The following ZSWIM2 variants were observed in gnomAD, a reference collection of about 807,000 sequenced individuals.
The protein encoded by ZSWIM2 is zinc finger SWIM-type containing 2.
Under a neutral mutation model 48.4 loss-of-function variants are expected in ZSWIM2, and 38 were observed. The ratio of observed to expected loss-of-function variants is 0.79; its 90% CI spans 0.61 to 1.03. ZSWIM2 has a LOEUF of 1.03. Among genes scored for constraint, ZSWIM2 ranks in the 50% least tolerant of loss-of-function variants. ZSWIM2 has a pLI of 0.00. For missense variants in ZSWIM2, 776 were observed against 730.2 expected, an observed-to-expected ratio of 1.06 and a Z score of -0.72; for synonymous variants, 240 against 251.3, an observed-to-expected ratio of 0.96 and a Z score of 0.42.
intron 2 of ZSWIM2, 107 bp downstream of exon 2, chr2:186,847,612 C>T (rs1179583703): frequency 1.5e-6 from 1 of 673,946 alleles, no homozygotes; most frequent in Middle Eastern, 2.7e-4. Flanking sequence ...ATTCCCCAAA[C>T]ACCAAATTTC....
chr2:186,837,404 G>C lies in ZSWIM2; in HGVS notation c.645C>G (p.Ser215Arg), dbSNP rs772035726. The change falls in exon 5 of 9, where the codon AGC becomes AGG. Residue 215 changes from serine to arginine, a missense_variant. Coordinates refer to ENST00000295131, the MANE Select transcript of ZSWIM2 (RefSeq NM_182521.3). Reference sequence around the variant, plus strand: ...CTTTTTCTGCTGCAGCTACTAGTTTGCTAGAGTTTTTGAATTCCTCCAAAA... The same window carrying C: ...CTTTTTCTGCTGCAGCTACTAGTTTCCTAGAGTTTTTGAATTCCTCCAAAA... ...KLILEEFKNS[S>R]KLVAAAEKER... 3 of 1,612,944 alleles carry C rather than the reference G, an allele frequency of 1.9e-6. No individual in the cohort carries two copies. The highest frequency in any genetic ancestry group is 1.7e-6 in the Non-Finnish European group (2 of 1,179,316).
At position 186,827,883 on chromosome 2, in the gene ZSWIM2, G is replaced by T. The variant is rs1691623886; in HGVS notation, c.*101C>A. The T allele has an allele frequency of 9.5e-7, 1 of 1,053,214 alleles. No individual in the cohort carries two copies. Among genetic ancestry groups the T allele is most frequent in the East Asian group, 2.6e-5 (1 of 37,878 alleles). 65.2% of individuals were successfully genotyped at this position (1,053,214 alleles called of 1,614,324 possible). A position where few individuals can be genotyped will look rare whatever the true frequency, so the allele number is the denominator to read the frequency against. On this transcript the variant is annotated 3_prime_UTR_variant, in exon 9 of 9. Coordinates refer to ENST00000295131, the MANE Select transcript of ZSWIM2 (RefSeq NM_182521.3). ...AGGTAAGTAGGCAAATTCCAACAGAGAATTTTATATACATTTGTCAAGACT... is the reference window on the plus strand; with the variant it reads ...AGGTAAGTAGGCAAATTCCAACAGATAATTTTATATACATTTGTCAAGACT...
chr2:186,840,403 G>A (rs991290077), intron 3 of ZSWIM2, among the ~76,000 whole-genome samples: 1 of 151,498 alleles, frequency 6.6e-6, no homozygotes, highest in Admixed American at 6.6e-5. Flanking sequence ...AAATGAATTC[G>A]GAAAAATTAA....
chr2:186,844,688 A>C (rs533612474), intron 3 of ZSWIM2, 29 bp downstream of exon 3: 29 of 1,536,594 alleles, frequency 1.9e-5, no homozygotes, highest in South Asian at 5.1e-5. Flanking sequence ...TAAAAAAAAA[A>C]CACAAAAAAC....
chr2:186,845,880 C>T (rs1691989147), intron 2 of ZSWIM2, among the ~76,000 whole-genome samples: 1 of 151,458 alleles, frequency 6.6e-6, no homozygotes, highest in African/African-American at 2.4e-5. Context: ...AAATTATACA[C>T]TGGGGAAATA....
chr2:186,833,350 AT>A (rs1362376385), intron 6 of ZSWIM2, 118 bp from the exon 7 acceptor site: 2 of 498,836 alleles, frequency 4.0e-6, no homozygotes, highest in Non-Finnish European at 7.0e-6. Flanking sequence ...TTAAGCATAT[AT>A]ATTATTTTTC....
At chr2:186,838,180 GA>G (rs1356611546) in intron 4 of ZSWIM2, among the ~76,000 whole-genome samples, 1 of 150,384 alleles carries the variant, frequency 6.6e-6, no homozygotes, top group East Asian at 2.0e-4. Context: ...GTGCTGTGAA[GA>G]AAAGTATGAA....
chr2:186,848,888 C>T (rs753381610), intron 1 of ZSWIM2, 78 bp downstream of exon 1: 54 of 1,565,326 alleles, frequency 3.4e-5, no homozygotes, highest in African/African-American at 2.7e-4. Flanking sequence ...ATGGTGGCTA[C>T]GCACATTGGG....
In ZSWIM2 at chr2:186,828,052, G is replaced by A. The variant is rs749323863; in HGVS notation, c.1834C>T (p.Pro612Ser). The change falls in exon 9 of 9, where the codon CCT (proline) becomes TCT (serine). Residue 612 changes from proline (P) to serine (S), a missense_variant. Pro to Ser is a moderately conservative substitution (Grantham distance 74). Coordinates refer to ENST00000295131, the MANE Select transcript of ZSWIM2 (RefSeq NM_182521.3). The stretch of plus-strand genomic sequence containing the variant: ...TTTGTATTTACAGAGTGAGACACAG[G>A]CTGTCTTGATAGATGACTACATTTT... ...TRKCSHLSRQ[P>S]VSHSVNTKST... The A allele has an allele frequency of 1.2e-6, 2 of 1,612,856 alleles. No individual in the cohort carries two copies. Among genetic ancestry groups the A allele is most frequent in the African/African-American group, 2.7e-5 (2 of 74,846 alleles).
intron 6 of ZSWIM2, 96 bp from the exon 7 acceptor site, chr2:186,833,328 A>C: frequency 1.8e-6 from 1 of 556,494 alleles, no homozygotes; most frequent in Non-Finnish European, 3.1e-6. Context: ...AATGTGAACA[A>C]TACACAATAT....
At chr2:186,839,376 T>G (rs1691862995) in intron 3 of ZSWIM2, among the ~76,000 whole-genome samples, 1 of 151,710 alleles carries the variant, frequency 6.6e-6, no homozygotes, top group African/African-American at 2.4e-5. Context: ...TAAAAATTAT[T>G]ATTTTTTCTT....
intron 3 of ZSWIM2, among the ~76,000 whole-genome samples, chr2:186,839,379 T>G (rs1241849026): frequency 6.6e-6 from 1 of 151,694 alleles, no homozygotes; most frequent in East Asian, 1.9e-4. Context: ...AAATTATTAT[T>G]TTTTCTTGTA....
At chr2:186,844,983 G>A (rs115915346) in intron 2 of ZSWIM2, among the ~76,000 whole-genome samples, 1,999 of 151,524 alleles carry the variant, frequency 0.013, 17 homozygotes, top group Non-Finnish European at 0.021. Context: ...AATGACATTT[G>A]GTGTGAAGAG....
chr2:186,830,717 G>C (rs563835390), intron 7 of ZSWIM2, among the ~76,000 whole-genome samples: 1 of 152,054 alleles, frequency 6.6e-6, no homozygotes, highest in South Asian at 2.1e-4. Flanking sequence ...AACTCTAAAA[G>C]TACCAGCTCC....
At chr2:186,844,942 A>T (rs1192624298) in intron 2 of ZSWIM2, among the ~76,000 whole-genome samples, 185 bp from the exon 3 acceptor site, 1 of 151,614 alleles carries the variant, frequency 6.6e-6, no homozygotes, top group African/African-American at 2.4e-5. Flanking sequence ...TAAAATAAGC[A>T]TATGTGAAAA....
chr2:186,837,211 A>AGG, intron 5 of ZSWIM2, 95 bp downstream of exon 5: 1 of 1,312,208 alleles, frequency 7.6e-7, no homozygotes, highest in South Asian at 1.4e-5. Context: ...ATGCAGGAAG[A>AGG]GGGAGGCTAC....
In ZSWIM2 at chr2:186,828,794, T is replaced by C. The variant is rs1013978796; in HGVS notation, c.1096-4A>G. The C allele has an allele frequency of 4.7e-6, 7 of 1,497,538 alleles. No individual in the cohort carries two copies. Among genetic ancestry groups the C allele is most frequent in the Non-Finnish European group, 6.2e-6 (7 of 1,121,208 alleles). 92.8% of individuals were successfully genotyped at this position (1,497,538 alleles called of 1,614,324 possible). ...TGTCAATACACTTCCTGTGAAACTT[T>C]AAAAAAAAGGTAAGCTAATCAGAAC... On this transcript the variant is annotated splice_polypyrimidine_tract_variant and splice_region_variant and intron_variant, in intron 8 of 8. Coordinates refer to ENST00000295131, the MANE Select transcript of ZSWIM2 (RefSeq NM_182521.3).
intron 7 of ZSWIM2, among the ~76,000 whole-genome samples, chr2:186,832,258 G>C (rs1029131626): frequency 1.3e-5 from 2 of 151,480 alleles, no homozygotes; most frequent in African/African-American, 4.9e-5. Context: ...GGGATTACAG[G>C]TATGTGCCAC....
At chr2:186,848,117 G>GT (rs1303452285) in intron 1 of ZSWIM2, among the ~76,000 whole-genome samples, 11 of 152,258 alleles carry the variant, frequency 7.2e-5, no homozygotes, top group African/African-American at 2.6e-4. Context: ...CTACTTTGGG[G>GT]TGGAGCTAAG....
Sources: gnomAD v4.1 joint callset for allele counts (sites outside exome capture counted in the v4.1 genomes callset) on GRCh38, gnomAD v4.1.1 for gene constraint, MANE v1.5 for transcripts, NCBI Gene and HGNC (gene_info 2026-07-23, HGNC 2026-07-21) for gene names.